LY9: variants seen among roughly 807,000 people sequenced by gnomAD.
LY9 encodes the protein T-lymphocyte surface antigen Ly-9.
A neutral mutation model predicts 64.6 loss-of-function variants in LY9; 59 were observed. The observed-to-expected ratio is 0.91, with a 90% CI of 0.74 to 1.13. The LOEUF is 1.13. Ranked by LOEUF, LY9 falls within the 50% of genes most tolerant of loss-of-function variation. The pLI is 0.00. For missense variants in LY9, 789 were observed against 797.2 expected (o/e 0.99, Z 0.12); for synonymous variants, 281 against 308.5 (o/e 0.91, Z 0.93).
At chr1:160,799,609 T>C (rs1666246412) in intron 1 of LY9, 144 bp from the exon 2 acceptor site, 2 of 615,088 alleles carry the variant, frequency 3.3e-6, no homozygotes, top group South Asian at 2.0e-5. Context: ...TGCTAGGCAA[T>C]TGACCTAGAA....
chr1:160,801,667 AG>A (rs1449792235), intron 2 of LY9: 15 of 709,306 alleles, frequency 2.1e-5, no homozygotes, highest in Non-Finnish European at 3.5e-5. Context: ...GTTTTCTTCT[AG>A]TATTTTTATA....
chr1:160,824,979 C>CAAAAAA (rs60603957), intron 9 of LY9, among the ~76,000 whole-genome samples: 209 of 59,428 alleles, frequency 3.5e-3, no homozygotes, highest in African/African-American at 0.011. Context: ...GACTCCATCT[C>CAAAAAA]AAAAAAAAAA....
At chr1:160,824,471 CT>C in intron 9 of LY9, 2 of 984,890 alleles carry the variant, frequency 2.0e-6, no homozygotes, top group Non-Finnish European at 2.4e-6. Flanking sequence ...TTAATAATAT[CT>C]TATGTTGGTT....
intron 2 of LY9, among the ~76,000 whole-genome samples, chr1:160,804,236 T>C (rs1386721052): frequency 6.6e-6 from 1 of 152,220 alleles, no homozygotes; most frequent in Non-Finnish European, 1.5e-5. Flanking sequence ...TTGTCATATA[T>C]GGGCTTTACT....
chr1:160,799,719 G>A, intron 1 of LY9, 34 bp from the exon 2 acceptor site: 3 of 1,396,260 alleles, frequency 2.1e-6, no homozygotes, highest in Non-Finnish European at 3.0e-6. Flanking sequence ...AAGGAGTCTA[G>A]CTGCTCCTCC....
intron 4 of LY9, 146 bp from the exon 5 acceptor site, chr1:160,816,448 A>G (rs1667951745): frequency 3.7e-6 from 3 of 809,856 alleles, no homozygotes; most frequent in Admixed American, 2.8e-5. Context: ...AATGCCAGGT[A>G]TACTCCAAAA....
At chr1:160,796,396 T>TC in intron 1 of LY9, 85 bp downstream of exon 1, 1 of 1,483,526 alleles carries the variant, frequency 6.7e-7, no homozygotes. Flanking sequence ...ATTCTTTTTT[T>TC]TGTTTTTTGT....
chr1:160,819,708 T>G (rs1030303343), intron 7 of LY9, among the ~76,000 whole-genome samples: 1 of 150,294 alleles, frequency 6.7e-6, no homozygotes, highest in Admixed American at 6.6e-5. Context: ...TGAGAATCTA[T>G]TTAACCTGGG....
At chr1:160,824,662 G>C in intron 9 of LY9, 1 of 982,270 alleles carries the variant, frequency 1.0e-6, no homozygotes, top group Non-Finnish European at 1.2e-6. Context: ...ACCACCTACA[G>C]TACATTAGTT....
intron 2 of LY9, among the ~76,000 whole-genome samples, chr1:160,805,818 T>C (rs1666935852): frequency 6.6e-6 from 1 of 151,956 alleles, no homozygotes; most frequent in South Asian, 2.1e-4. Context: ...ATATTTGCTT[T>C]ATGAATTTGG....
intron 9 of LY9, 27 bp downstream of exon 9, chr1:160,824,276 C>A (rs768922983): frequency 6.2e-7 from 1 of 1,613,738 alleles, no homozygotes; most frequent in Non-Finnish European, 8.5e-7. Flanking sequence ...TCTCTGTATC[C>A]CAAGGCCCAC....
At position 160,814,631 on chromosome 1, in the gene LY9, G is replaced by A. The variant is rs1667795688; in HGVS notation, c.942G>A (p.Trp314Ter). Residue 314 changes from tryptophan to a stop codon, truncating the protein, a stop_gained, in exon 4 of 10, where the codon TGG becomes TGA. Coordinates refer to ENST00000263285, the MANE Select transcript of LY9 (RefSeq NM_002348.4). LOFTEE classifies it high-confidence loss of function. Reference sequence around the variant, plus strand: ...GGGATCCTTACAAGAACAGGGTGTGGGTCTCCAGCCAGGACTGCTCCCTGA... The same window carrying A: ...GGGATCCTTACAAGAACAGGGTGTGAGTCTCCAGCCAGGACTGCTCCCTGA... ...KSRDPYKNRV[W>*]VSSQDCSLKI... 2 of 1,614,180 alleles carry A rather than the reference G, an allele frequency of 1.2e-6. No individual in the cohort carries two copies. Among genetic ancestry groups the A allele is most frequent in the Non-Finnish European group, 8.5e-7 (1 of 1,180,010 alleles).
Position 160,823,566 on chromosome 1 carries a change from G to A in LY9, c.1600G>A (p.Asp534Asn). The change falls in exon 8 of 10, where the codon GAC becomes AAC. Residue 534 changes from aspartate to asparagine, a missense_variant. Transcript: ENST00000263285. ...CAGGCAACAGCCTACACCCACCTCA[G>A]ACAGCAGCTCTGACAGCAACCTCAC... Reference protein sequence around the residue: ...PARQQPTPTSDSSSDSNLTTE... With the variant: ...PARQQPTPTSNSSSDSNLTTE... 6.2e-7 allele frequency: 1 copy of A among 1,614,214 alleles called. No homozygotes were observed. Among genetic ancestry groups the A allele is most frequent in the Non-Finnish European group, 8.5e-7 (1 of 1,180,032 alleles).
chr1:160,825,379 A>G (rs781138948), intron 9 of LY9, among the ~76,000 whole-genome samples: 9 of 152,188 alleles, frequency 5.9e-5, no homozygotes, highest in Non-Finnish European at 1.3e-4. Context: ...TTTTATAGCC[A>G]AAGAAACAGA....
At chr1:160,815,442 A>G (rs1667873080) in intron 4 of LY9, 1 of 152,334 alleles carries the variant, frequency 6.6e-6, no homozygotes, top group Admixed American at 6.5e-5. Context: ...GCTGGAGTAC[A>G]GTGGCACGAT....
In LY9 at chr1:160,814,660, T is replaced by C; in HGVS notation, c.971T>C (p.Ile324Thr). The change falls in exon 4 of 10, where the codon ATC becomes ACC. Residue 324 changes from isoleucine to threonine, a missense_variant. Transcript: ENST00000263285. The part of the protein sequence containing the change: ...WVSSQDCSLK[I>T]SQLKIEDAGP... Reference sequence around the variant, plus strand: ...TCCAGCCAGGACTGCTCCCTGAAGATCAGCCAGCTGAAGATAGAGGACGCC... The same window carrying C: ...TCCAGCCAGGACTGCTCCCTGAAGACCAGCCAGCTGAAGATAGAGGACGCC... 1 of 1,613,962 alleles carries C rather than the reference T, an allele frequency of 6.2e-7. No individual in the cohort carries two copies. Among genetic ancestry groups the C allele is most frequent in the Non-Finnish European group, 8.5e-7 (1 of 1,179,986 alleles).
At chr1:160,822,387 C>G (rs1211735269) in intron 7 of LY9, among the ~76,000 whole-genome samples, 2 of 152,066 alleles carry the variant, frequency 1.3e-5, no homozygotes, top group African/African-American at 4.8e-5. Context: ...GTTGCCGCAC[C>G]CTAATCTTCT....
At chr1:160,826,220 A>G (rs1444852120) in intron 9 of LY9, among the ~76,000 whole-genome samples, 1 of 152,230 alleles carries the variant, frequency 6.6e-6, no homozygotes, top group Non-Finnish European at 1.5e-5. Context: ...GGATCATTGT[A>G]AAGGTCTTCA....
chr1:160,796,184 C>T lies in LY9; in HGVS notation c.-4C>T. On this transcript the variant is annotated 5_prime_UTR_variant, in exon 1 of 10. Transcript: ENST00000263285. ...TTCAGTCTCAGTTCTGAAAATAGATCATCATGGTGGCACCAAAGAGTCACA... is the reference window on the plus strand; with the variant it reads ...TTCAGTCTCAGTTCTGAAAATAGATTATCATGGTGGCACCAAAGAGTCACA... 1 of 1,613,338 alleles carries T rather than the reference C, an allele frequency of 6.2e-7. No homozygotes were observed. Among genetic ancestry groups the T allele is most frequent in the Non-Finnish European group, 8.5e-7 (1 of 1,179,740 alleles).
Sources: allele counts gnomAD v4.1 joint callset (sites outside exome capture counted in the v4.1 genomes callset), GRCh38; gene constraint gnomAD v4.1.1; transcripts MANE v1.5; gene names NCBI Gene and HGNC (gene_info 2026-07-23, HGNC 2026-07-21).